TENM4: variants seen among roughly 807,000 people sequenced by gnomAD.
TENM4 encodes teneurin transmembrane protein 4.
TENM4 carries 82 observed loss-of-function variants against 243.3 expected under a neutral mutation model. That is an observed-to-expected ratio of 0.34 (90% CI 0.28 to 0.40). TENM4 has a LOEUF of 0.40. Ranked by LOEUF, TENM4 falls within the 10% of genes least tolerant of loss-of-function variation. The pLI, the probability that TENM4 is intolerant of heterozygous loss-of-function variation, is 1.00. For missense variants in TENM4, 3,138 were observed against 3,673.3 expected, an observed-to-expected ratio of 0.85 and a Z score of 3.77; for synonymous variants, 1,412 against 1,456.3, an observed-to-expected ratio of 0.97 and a Z score of 0.69.
intron 6 of TENM4, among the ~76,000 whole-genome samples, chr11:79,058,961 T>A (rs777999983): frequency 2.0e-5 from 3 of 152,198 alleles, no homozygotes; most frequent in African/African-American, 7.2e-5. Flanking sequence ...GATATTCTTA[T>A]AGATTTTTAA....
At chr11:79,306,294 T>C (rs536269008) in intron 1 of TENM4, among the ~76,000 whole-genome samples, 31 of 152,250 alleles carry the variant, frequency 2.0e-4, no homozygotes, top group African/African-American at 5.5e-4. Context: ...TGAGTGACAG[T>C]GTTCCACTCA....
chr11:79,038,303 G>C (rs1419616259), intron 6 of TENM4, among the ~76,000 whole-genome samples: 1 of 152,142 alleles, frequency 6.6e-6, no homozygotes, highest in African/African-American at 2.4e-5. Context: ...ATGCCTCCCA[G>C]GTGCTTCAAA....
rs1218746162 is a variant in TENM4 at position 79,069,897 on chromosome 11, G to A, written c.48C>T (p.Arg16=). Residue 16 remains arginine (R), a synonymous_variant, in exon 5 of 34, where the codon CGC becomes CGT. Coordinates refer to ENST00000278550, the MANE Select transcript of TENM4 (RefSeq NM_001098816.3). ...RKPYRSLTRR[R]DAERRYTSSS... ...AGCTGGTGTAGCGGCGCTCGGCGTCGCGGCGCCGGGTCAGCGAGCGGTAAG... is the reference window on the plus strand; with the variant it reads ...AGCTGGTGTAGCGGCGCTCGGCGTCACGGCGCCGGGTCAGCGAGCGGTAAG... 6.5e-7 allele frequency: 1 copy of A among 1,548,102 alleles called. No individual in the cohort carries two copies. Among genetic ancestry groups the A allele is most frequent in the Non-Finnish European group, 8.7e-7 (1 of 1,146,694 alleles).
chr11:78,670,465 G>C lies in TENM4; in HGVS notation c.5880C>G (p.Asn1960Lys), dbSNP rs776203610. ...TGGTCTCTAGTGTCTGCCGCGCCAC[G>C]TTGGGCATCGTCACAGAAGAGAGGC... is the stretch of plus-strand genomic sequence containing the variant. ...NDRLSSVTMP[N>K]VARQTLETIR... The change falls in exon 32 of 34, where the codon AAC (asparagine) becomes AAG (lysine). Residue 1960 changes from asparagine (N) to lysine (K), a missense_variant. Asn to Lys is a moderately conservative substitution (Grantham distance 94). Around this residue, in one of 2 missense-constraint regions of TENM4, gnomAD observed 2,467 missense variants for 3,059.1 expected, o/e 0.81. Coordinates refer to ENST00000278550, the MANE Select transcript of TENM4 (RefSeq NM_001098816.3). The C allele has an allele frequency of 6.2e-7, 1 of 1,613,948 alleles. No individual in the cohort carries two copies. The highest frequency in any genetic ancestry group is 8.5e-7 in the Non-Finnish European group (1 of 1,179,900).
At chr11:79,148,410 A>G (rs191310511) in intron 4 of TENM4, among the ~76,000 whole-genome samples, 23 of 152,196 alleles carry the variant, frequency 1.5e-4, no homozygotes, top group African/African-American at 4.3e-4. Flanking sequence ...CAGGCCAGGG[A>G]TCTATAGAGA....
chr11:78,906,990 G>C (rs1270869396), intron 6 of TENM4, among the ~76,000 whole-genome samples: 1 of 152,160 alleles, frequency 6.6e-6, no homozygotes, highest in Non-Finnish European at 1.5e-5. Flanking sequence ...GGGCCTGCTA[G>C]ACCATGGGTC....
intron 4 of TENM4, among the ~76,000 whole-genome samples, chr11:79,095,169 C>G (rs1478826238): frequency 6.6e-6 from 1 of 152,204 alleles, no homozygotes; most frequent in East Asian, 1.9e-4. Flanking sequence ...GCTCTGCCCA[C>G]AGAAATAGCC....
chr11:79,076,624 A>AT (rs1418545653), intron 4 of TENM4, among the ~76,000 whole-genome samples: 1 of 151,920 alleles, frequency 6.6e-6, no homozygotes, highest in African/African-American at 2.4e-5. Flanking sequence ...CCATATCAGT[A>AT]TTTTTTTTGT....
At chr11:79,284,861 C>A (rs567946315) in intron 2 of TENM4, among the ~76,000 whole-genome samples, 1 of 151,978 alleles carries the variant, frequency 6.6e-6, no homozygotes, top group Non-Finnish European at 1.5e-5. Flanking sequence ...CAACATAAAA[C>A]CCAAATTAAA....
At chr11:79,343,921 T>C (rs1857283891) in intron 1 of TENM4, among the ~76,000 whole-genome samples, 1 of 152,174 alleles carries the variant, frequency 6.6e-6, no homozygotes, top group Non-Finnish European at 1.5e-5. Context: ...GACATCCCCT[T>C]AGCTGGCACA....
chr11:79,019,777 G>A (rs775390864), intron 6 of TENM4, among the ~76,000 whole-genome samples: 3 of 152,178 alleles, frequency 2.0e-5, no homozygotes, highest in African/African-American at 7.2e-5. Flanking sequence ...CAGACACTAT[G>A]ACATTAGACA....
In TENM4 at chr11:78,715,689, T is replaced by C. The variant is rs75703706; in HGVS notation, c.3822-2975A>G. 8.2e-3 allele frequency among the ~76,000 whole-genome samples: 1,250 copies of C among 152,310 alleles called. 17 individuals are homozygous for C. The highest frequency in any genetic ancestry group is 0.028 in the African/African-American group (1,171 of 41,568). The stretch of plus-strand genomic sequence containing the variant: ...TCATTTAGGTGAGTCACCTAAATAG[T>C]TCAAATCGTAGGTCCCTTAGCTGTC... On this transcript the variant is annotated intron_variant, in intron 25 of 33. Coordinates refer to ENST00000278550, the MANE Select transcript of TENM4 (RefSeq NM_001098816.3).
chr11:79,034,106 G>A (rs1182487337), intron 6 of TENM4, among the ~76,000 whole-genome samples: 3 of 152,204 alleles, frequency 2.0e-5, no homozygotes, highest in African/African-American at 4.8e-5. Context: ...GGTCTATTTT[G>A]AGGACATGGA....
intron 3 of TENM4, among the ~76,000 whole-genome samples, chr11:79,177,004 T>G (rs759310281): frequency 8.5e-5 from 13 of 152,196 alleles, no homozygotes; most frequent in Non-Finnish European, 1.5e-4. Flanking sequence ...GTTTCACCCC[T>G]TCTCCACTAA....
intron 22 of TENM4, among the ~76,000 whole-genome samples, chr11:78,728,459 CTCT>C (rs1389866272): frequency 6.6e-6 from 1 of 151,988 alleles, no homozygotes; most frequent in African/African-American, 2.4e-5. Context: ...CTCTCTCCTC[CTCT>C]TCTTCCCCCC....
At chr11:79,399,352 T>C (rs1858409228) in intron 1 of TENM4, among the ~76,000 whole-genome samples, 1 of 152,204 alleles carries the variant, frequency 6.6e-6, no homozygotes, top group Non-Finnish European at 1.5e-5. Flanking sequence ...TTTCTTCTTA[T>C]TTGAAATGCT....
At chr11:79,364,306 C>T (rs1286287167) in intron 1 of TENM4, among the ~76,000 whole-genome samples, 5 of 152,208 alleles carry the variant, frequency 3.3e-5, no homozygotes, top group Non-Finnish European at 7.3e-5. Context: ...TCAGCACCCC[C>T]CGGCCCAATG....
chr11:79,309,820 G>C (rs1856688929), intron 1 of TENM4, among the ~76,000 whole-genome samples: 1 of 152,150 alleles, frequency 6.6e-6, no homozygotes, highest in African/African-American at 2.4e-5. Flanking sequence ...TTCCTCACCT[G>C]AAGAAGCTCA....
chr11:78,967,138 T>G (rs933681885), intron 6 of TENM4, among the ~76,000 whole-genome samples: 2 of 152,152 alleles, frequency 1.3e-5, no homozygotes, highest in African/African-American at 2.4e-5. Flanking sequence ...GCTTCAAGCC[T>G]GCATTTGGCA....
Sources: allele counts gnomAD v4.1 joint callset (sites outside exome capture counted in the v4.1 genomes callset), GRCh38; gene constraint gnomAD v4.1.1; regional missense constraint gnomAD v4.1.1; transcripts MANE v1.5; gene names NCBI Gene and HGNC (gene_info 2026-07-23, HGNC 2026-07-21).